The following LUZP2 variants were observed in gnomAD, a reference collection of about 807,000 sequenced individuals.
LUZP2 encodes the protein leucine zipper protein 2.
LUZP2 carries 52 observed loss-of-function variants against 51.6 expected under a neutral mutation model. The ratio of observed to expected loss-of-function variants is 1.01; its 90% CI spans 0.81 to 1.27. LUZP2 has a LOEUF of 1.27. Among genes scored for constraint, LUZP2 ranks in the 50% most tolerant of loss-of-function variants. The pLI is 0.00. For synonymous variants in LUZP2, 154 were observed against 137.3 expected (o/e 1.12, Z -0.85); for missense variants, 436 against 395.4 (o/e 1.10, Z -0.87).
In LUZP2 at chr11:24,914,523, G is replaced by T. The variant is rs766568583; in HGVS notation, c.507G>T (p.Lys169Asn). Residue 169 changes from lysine (K) to asparagine (N), a missense_variant, in exon 7 of 12, where the codon AAG becomes AAT. Coordinates refer to ENST00000336930, the MANE Select transcript of LUZP2 (RefSeq NM_001009909.4). The stretch of plus-strand genomic sequence containing the variant: ...TGAAGGAGCTTCGTTATGGGAAGAA[G>T]GATTTATTATTTAAGGTGAGTCTCT... ...AQLKELRYGK[K>N]DLLFKAQQLT... is the part of the protein sequence containing the mutation. 1.9e-6 allele frequency: 3 copies of T among 1,607,640 alleles called. No individual in the cohort carries two copies. Among genetic ancestry groups the T allele is most frequent in the Non-Finnish European group, 2.5e-6 (3 of 1,177,730 alleles).
intron 1 of LUZP2, among the ~76,000 whole-genome samples, chr11:24,661,618 C>T (rs948073175): frequency 3.9e-5 from 6 of 152,112 alleles, no homozygotes; most frequent in African/African-American, 1.4e-4. Context: ...GACCACTGAG[C>T]TCAGTTTTTC....
At chr11:24,510,896 C>G (rs1350697089) in intron 1 of LUZP2, among the ~76,000 whole-genome samples, 1 of 152,130 alleles carries the variant, frequency 6.6e-6, no homozygotes, top group Non-Finnish European at 1.5e-5. Context: ...CAGCTCCTTC[C>G]AGCTTGTTGC....
chr11:24,557,821 G>A (rs915282124), intron 1 of LUZP2, among the ~76,000 whole-genome samples: 6 of 152,042 alleles, frequency 3.9e-5, no homozygotes, highest in African/African-American at 1.4e-4. Flanking sequence ...ATGGGATTAG[G>A]GATATTCAGA....
rs1417833010 is a variant in LUZP2 at position 24,799,320 on chromosome 11, G to A, written c.396+36012G>A. Among the ~76,000 whole-genome samples the A allele has an allele frequency of 2.6e-5, 4 of 152,106 alleles. No homozygotes were observed. In the East Asian group the frequency reaches 5.8e-4, roughly 22 times the overall value. On this transcript the variant is annotated intron_variant, in intron 5 of 11. Coordinates refer to ENST00000336930, the MANE Select transcript of LUZP2 (RefSeq NM_001009909.4). ...CACAGCTATTAAATTCAAAGGGGCCGGGTGTGGTGGCTCACGCCAGTAATT... is the reference window on the plus strand; with the variant it reads ...CACAGCTATTAAATTCAAAGGGGCCAGGTGTGGTGGCTCACGCCAGTAATT...
chr11:24,833,536 C>T (rs1023273106), intron 5 of LUZP2, among the ~76,000 whole-genome samples: 2 of 152,056 alleles, frequency 1.3e-5, no homozygotes, highest in African/African-American at 4.8e-5. Flanking sequence ...TAGCTGTAAC[C>T]CAGAGGTAGG....
intron 10 of LUZP2, among the ~76,000 whole-genome samples, chr11:25,050,353 G>C (rs993001098): frequency 2.0e-4 from 27 of 136,670 alleles, no homozygotes; most frequent in South Asian, 6.8e-4. Context: ...CCAGGCTGGA[G>C]TGCAGTGGCA....
intron 7 of LUZP2, among the ~76,000 whole-genome samples, chr11:24,954,605 T>G (rs1442645220): frequency 2.0e-5 from 3 of 152,036 alleles, no homozygotes; most frequent in Non-Finnish European, 4.4e-5. Flanking sequence ...TCTATGAGAC[T>G]GTGTCAAGTC....
chr11:24,943,877 CAAA>C (rs33998362), intron 7 of LUZP2, among the ~76,000 whole-genome samples: 1,919 of 103,346 alleles, frequency 0.019, 37 homozygotes, highest in African/African-American at 0.061. Flanking sequence ...GACTCCATCT[CAAA>C]AAAAAAAAAA....
rs1031582947 is a variant in LUZP2, at chr11:25,082,340, A to G, written c.*3682A>G. On this transcript the variant is annotated 3_prime_UTR_variant, in exon 12 of 12. Transcript: ENST00000336930. ...TAAAACGATATTTGTGAACTTTGCT[A>G]TAATGAAATCTTTTATTTTTATAGC... The G allele has an allele frequency of 6.6e-6, 1 of 152,654 alleles. No individual in the cohort carries two copies. Among genetic ancestry groups the G allele is most frequent in the African/African-American group, 2.4e-5 (1 of 41,474 alleles). The allele number at this position is 152,654 out of a possible 1,614,324, so 9.5% of individuals were successfully genotyped here.
intron 1 of LUZP2, among the ~76,000 whole-genome samples, chr11:24,633,960 G>GTATATACATATATA (rs766684338): frequency 7.4e-6 from 1 of 135,636 alleles, no homozygotes; most frequent in African/African-American, 2.5e-5. Flanking sequence ...GTGTGTGTGT[G>GTATATACATATATA]TGTGTATATA....
chr11:24,661,274 C>T (rs1856011187), intron 1 of LUZP2, among the ~76,000 whole-genome samples: 1 of 151,956 alleles, frequency 6.6e-6, no homozygotes, highest in Non-Finnish European at 1.5e-5. Context: ...ATGTTAAATA[C>T]CAGGAGAAAT....
At chr11:24,510,177 G>A (rs1590118029) in intron 1 of LUZP2, among the ~76,000 whole-genome samples, 1 of 152,282 alleles carries the variant, frequency 6.6e-6, no homozygotes, top group Middle Eastern at 3.4e-3. Context: ...GGGTGCAAAG[G>A]AGGCAGAGTT....
At chr11:24,558,627 C>A (rs1238289171) in intron 1 of LUZP2, among the ~76,000 whole-genome samples, 1 of 152,090 alleles carries the variant, frequency 6.6e-6, no homozygotes, top group African/African-American at 2.4e-5. Context: ...CTTGTTGAAA[C>A]TTTATCTCTA....
chr11:24,902,843 G>A (rs890409090), intron 5 of LUZP2, among the ~76,000 whole-genome samples: 1 of 151,934 alleles, frequency 6.6e-6, no homozygotes, highest in Non-Finnish European at 1.5e-5. Context: ...TTTCCCCTTA[G>A]TGTTAGCAGC....
chr11:24,696,632 G>A (rs1281732176), intron 1 of LUZP2, among the ~76,000 whole-genome samples: 2 of 151,840 alleles, frequency 1.3e-5, no homozygotes, highest in Admixed American at 1.3e-4. Context: ...TAGGGGATTG[G>A]AATAAAATGA....
In LUZP2 at chr11:24,686,388, G is replaced by A. The variant is rs182718264; in HGVS notation, c.63-42781G>A. ...AGTGCCATGACATAAGCAATTCATA[G>A]CTATCTTTGGGATACTTCCATGCCA... On this transcript the variant is annotated intron_variant, in intron 1 of 11. Coordinates refer to ENST00000336930, the MANE Select transcript of LUZP2 (RefSeq NM_001009909.4). Among the ~76,000 whole-genome samples, 496 of 152,232 alleles carry A rather than the reference G, an allele frequency of 3.3e-3. 2 individuals are homozygous for A. Among genetic ancestry groups the A allele is most frequent in the African/African-American group, 0.011 (466 of 41,536 alleles).
At chr11:24,785,861 GCT>G (rs1275817229) in intron 5 of LUZP2, 1 of 985,140 alleles carries the variant, frequency 1.0e-6, no homozygotes, top group Non-Finnish European at 1.2e-6. Flanking sequence ...CTGGGAAATT[GCT>G]CTGTTTCTCC....
At chr11:24,817,168 A>G (rs544842754) in intron 5 of LUZP2, among the ~76,000 whole-genome samples, 1 of 152,138 alleles carries the variant, frequency 6.6e-6, no homozygotes, top group African/African-American at 2.4e-5. Flanking sequence ...AAATAATAAT[A>G]TATCAATTGC....
Position 24,555,161 on chromosome 11 carries a change from C to T in LUZP2, c.62+57856C>T, listed in dbSNP as rs1851829714. On this transcript the variant is annotated intron_variant, in intron 1 of 11. Coordinates refer to ENST00000336930, the MANE Select transcript of LUZP2 (RefSeq NM_001009909.4). ...TTTCGAGAAATATTTGATGAAAAAG[C>T]TGGGCATGTTTAGCCTAGAATATGG... Among the ~76,000 whole-genome samples the T allele has an allele frequency of 2.0e-5, 3 of 152,092 alleles. No individual in the cohort carries two copies. In the South Asian group the frequency reaches 6.2e-4, roughly 32 times the overall value.
Sources: gnomAD v4.1 joint callset for allele counts (sites outside exome capture counted in the v4.1 genomes callset) on GRCh38, gnomAD v4.1.1 for gene constraint, MANE v1.5 for transcripts, NCBI Gene and HGNC (gene_info 2026-07-23, HGNC 2026-07-21) for gene names.